Variants in SSH2 observed in about 807,000 individuals in gnomAD.
The protein encoded by SSH2 is protein phosphatase Slingshot homolog 2.
A neutral mutation model predicts 135.2 loss-of-function variants in SSH2; 37 were observed. That is an observed-to-expected ratio of 0.27 (90% CI 0.21 to 0.36). The LOEUF is 0.36. Among genes scored for constraint, SSH2 ranks in the 10% least tolerant of loss-of-function variants. The pLI is 1.00. For missense variants in SSH2, 1,408 were observed against 1,765.3 expected (o/e 0.80, Z 3.63); for synonymous variants, 628 against 646.2 (o/e 0.97, Z 0.43).
chr17:29,676,698 T>C (rs2037736434), intron 8 of SSH2, 122 bp downstream of exon 8: 3 of 776,096 alleles, frequency 3.9e-6, no homozygotes, highest in African/African-American at 3.5e-5. Flanking sequence ...TTAACTACGA[T>C]GGTTATACAA....
chr17:29,726,393 C>T (rs1598885543), intron 3 of SSH2, among the ~76,000 whole-genome samples: 1 of 152,128 alleles, frequency 6.6e-6, no homozygotes, highest in East Asian at 1.9e-4. Context: ...CTATGGCTTG[C>T]TAAGGAATCT....
At chr17:29,921,669 C>A (rs1004770051) in intron 1 of SSH2, among the ~76,000 whole-genome samples, 14 of 151,838 alleles carry the variant, frequency 9.2e-5, no homozygotes, top group Non-Finnish European at 1.3e-4. Context: ...CTCTGCCTCC[C>A]GGGTTCAAGC....
intron 5 of SSH2, among the ~76,000 whole-genome samples, chr17:29,695,036 G>A (rs904496262): frequency 2.6e-5 from 4 of 152,140 alleles, no homozygotes; most frequent in East Asian, 3.9e-4. Flanking sequence ...CTAAGTCCAC[G>A]TCTCCTGAGT....
intron 2 of SSH2, among the ~76,000 whole-genome samples, chr17:29,810,917 T>C (rs553385071): frequency 3.9e-5 from 6 of 152,174 alleles, no homozygotes; most frequent in Non-Finnish European, 8.8e-5. Context: ...CTTAAAACAT[T>C]ATGATTTTTT....
intron 2 of SSH2, among the ~76,000 whole-genome samples, chr17:29,838,552 A>G (rs961183721): frequency 6.6e-6 from 1 of 152,128 alleles, no homozygotes. Context: ...ACTGGCATGC[A>G]CTTCCTTCCC....
intron 4 of SSH2, among the ~76,000 whole-genome samples, chr17:29,701,772 T>C (rs2038993853): frequency 6.6e-6 from 1 of 151,940 alleles, no homozygotes; most frequent in South Asian, 2.1e-4. Context: ...CGTTTCACCA[T>C]GTTGGCCAGG....
intron 2 of SSH2, among the ~76,000 whole-genome samples, chr17:29,827,896 T>C (rs2042774342): frequency 6.6e-6 from 1 of 152,198 alleles, no homozygotes; most frequent in South Asian, 2.1e-4. Flanking sequence ...TCTTAACCAT[T>C]TTAAAGAGGA....
rs1306895583 is a variant in SSH2 at position 29,700,963 on chromosome 17, A to AT, written c.292+1995dup. On this transcript the variant is annotated intron_variant, in intron 4 of 15. Coordinates refer to ENST00000540801, the MANE Select transcript of SSH2 (RefSeq NM_001282129.2). ...CACCACCATGCCTGCTAATTTTTGTATTTTTTTCTTTTTTTCTTTTTTTTT... is the reference window on the plus strand; with the variant it reads ...CACCACCATGCCTGCTAATTTTTGTATTTTTTTTCTTTTTTTCTTTTTTTTT... Among the ~76,000 whole-genome samples the AT allele has an allele frequency of 2.1e-5, 3 of 145,714 alleles. No homozygotes were observed. The East Asian group carries it at 6.1e-4, about 30-fold the overall frequency.
rs1481175227 is a variant in SSH2 at position 29,708,232 on chromosome 17, T to C, written c.189-5170A>G. Among the ~76,000 whole-genome samples the C allele has an allele frequency of 3.3e-5, 5 of 152,310 alleles. No individual in the cohort carries two copies. The South Asian group carries it at 6.2e-4, about 19-fold the overall frequency. The stretch of plus-strand genomic sequence containing the variant: ...TAGTAAAAGATTTATTATGTAAATA[T>C]GTCTTCCTGAAACAGCTGCTTAAAA... On this transcript the variant is annotated intron_variant, in intron 3 of 15. Coordinates refer to ENST00000540801, the MANE Select transcript of SSH2 (RefSeq NM_001282129.2).
At chr17:29,649,087 G>C (rs2036493710) in intron 13 of SSH2, among the ~76,000 whole-genome samples, 1 of 151,868 alleles carries the variant, frequency 6.6e-6, no homozygotes, top group Non-Finnish European at 1.5e-5. Context: ...GTTGCAGTGA[G>C]CCGAGATGGC....
At chr17:29,767,134 A>G (rs528591928) in intron 3 of SSH2, among the ~76,000 whole-genome samples, 1 of 152,336 alleles carries the variant, frequency 6.6e-6, no homozygotes, top group Non-Finnish European at 1.5e-5. Flanking sequence ...CACTGAAAAG[A>G]TCTGCCTATC....
At chr17:29,895,193 A>G (rs923253251) in intron 1 of SSH2, among the ~76,000 whole-genome samples, 2 of 144,594 alleles carry the variant, frequency 1.4e-5, no homozygotes, top group East Asian at 2.0e-4. Context: ...TATTTTATAT[A>G]CATTATATTA....
rs755811988 is a variant in SSH2, at chr17:29,696,620, T to TACAC, written c.293-1098_293-1097insGTGT. ...TCTCAAAAACATATATACATATATA[T>TACAC]ATACACACACACACACACACACACA... On this transcript the variant is annotated intron_variant, in intron 4 of 15. Transcript: ENST00000540801. Among the ~76,000 whole-genome samples the TACAC allele has an allele frequency of 2.6e-3, 356 of 136,102 alleles. 2 individuals are homozygous for TACAC. The highest frequency in any genetic ancestry group is 9.2e-3 in the African/African-American group (343 of 37,308). The allele number at this position is 136,102 out of a possible 152,430, so 89.3% of individuals were successfully genotyped here. A position where few individuals can be genotyped will look rare whatever the true frequency, so the allele number is the denominator to read the frequency against.
chr17:29,912,455 A>G (rs2066782117), intron 1 of SSH2, among the ~76,000 whole-genome samples: 1 of 152,198 alleles, frequency 6.6e-6, no homozygotes, highest in Non-Finnish European at 1.5e-5. Context: ...AGACAGGCAG[A>G]GTGGCTCACA....
intron 2 of SSH2, among the ~76,000 whole-genome samples, chr17:29,821,756 G>C (rs1401126215): frequency 6.6e-6 from 1 of 151,460 alleles, no homozygotes; most frequent in Non-Finnish European, 1.5e-5. Flanking sequence ...TGATTCTCCT[G>C]CCTCAGCCTC....
intron 2 of SSH2, among the ~76,000 whole-genome samples, chr17:29,811,658 C>G (rs1005191374): frequency 5.9e-5 from 9 of 151,786 alleles, no homozygotes; most frequent in African/African-American, 1.2e-4. Context: ...TGTCTTGAAC[C>G]CCTGGGCTCA....
At chr17:29,836,845 A>G in intron 2 of SSH2, among the ~76,000 whole-genome samples, 1 of 152,074 alleles carries the variant, frequency 6.6e-6, no homozygotes, top group Non-Finnish European at 1.5e-5. Context: ...TAAATTTACA[A>G]CTCTCATGAC....
intron 3 of SSH2, among the ~76,000 whole-genome samples, chr17:29,754,448 G>A (rs909545493): frequency 6.6e-6 from 1 of 152,140 alleles, no homozygotes; most frequent in African/African-American, 2.4e-5. Context: ...CATCCAATAT[G>A]CTCCTCTACT....
At chr17:29,775,160 T>C (rs182317527) in intron 3 of SSH2, among the ~76,000 whole-genome samples, 97 of 152,326 alleles carry the variant, frequency 6.4e-4, no homozygotes, top group African/African-American at 2.3e-3. Context: ...ATTTAACAAT[T>C]AGGTAATTCA....
Sources: allele counts gnomAD v4.1 joint callset (sites outside exome capture counted in the v4.1 genomes callset), GRCh38; gene constraint gnomAD v4.1.1; transcripts MANE v1.5; gene names NCBI Gene and HGNC (gene_info 2026-07-23, HGNC 2026-07-21).